The following CYP27C1 variants were observed in gnomAD, a reference collection of about 807,000 sequenced individuals.
The protein encoded by CYP27C1 is cytochrome P450 27C1.
A neutral mutation model predicts 40.6 loss-of-function variants in CYP27C1; 29 were observed. The ratio of observed to expected loss-of-function variants is 0.71; its 90% CI spans 0.53 to 0.97. The LOEUF is 0.97. Ranked by LOEUF, CYP27C1 falls within the 50% of genes least tolerant of loss-of-function variation. The pLI, the probability that CYP27C1 is intolerant of heterozygous loss-of-function variation, is 0.00. For missense variants in CYP27C1, 390 were observed against 485.8 expected (o/e 0.80, Z 1.85); for synonymous variants, 198 against 186.8 (o/e 1.06, Z -0.49).
chr2:127,216,449 T>C (rs965568120), intron 1 of CYP27C1, among the ~76,000 whole-genome samples: 3 of 152,118 alleles, frequency 2.0e-5, no homozygotes, highest in Admixed American at 2.0e-4. Flanking sequence ...AAACCACCCA[T>C]AAAAGACCAC....
rs201954780 is a variant in CYP27C1, at chr2:127,195,535, G to C, written c.1048-34C>G. On this transcript the variant is annotated intron_variant, in intron 5 of 8. Coordinates refer to ENST00000664447, the MANE Select transcript of CYP27C1 (RefSeq NM_001367502.1). This position sits in a 1 kb window ranked among gnomAD's most constrained non-coding sequence, Gnocchi z 6.2. ...AGAAAGTGGCAGACACAGGCAGGCA[G>C]TGAGTAACACCAGGGACTGAAACAG... 626 of 1,610,284 alleles carry C rather than the reference G, an allele frequency of 3.9e-4. No individual in the cohort carries two copies. Among genetic ancestry groups the C allele is most frequent in the Non-Finnish European group, 4.8e-4 (567 of 1,177,716 alleles).
rs1407831364 is a variant in CYP27C1 at position 127,204,476 on chromosome 2, GA to G, written c.474-906del. On this transcript the variant is annotated intron_variant, in intron 2 of 8. Coordinates refer to ENST00000664447, the MANE Select transcript of CYP27C1 (RefSeq NM_001367502.1). Reference sequence around the variant, plus strand: ...AGAAAGAAAGAAAGAAAGAAAGAAAGAAAGAAAGAAAGGAAGGAAGGAAGGA... The same window carrying G: ...AGAAAGAAAGAAAGAAAGAAAGAAAGAAGAAAGAAAGGAAGGAAGGAAGGA... Among the ~76,000 whole-genome samples the G allele has an allele frequency of 4.4e-3, 294 of 66,084 alleles. 35 individuals carry two copies. The East Asian group carries it at 0.054, about 12-fold the overall frequency. 43.4% of individuals were successfully genotyped at this position (66,084 alleles called of 152,430 possible). A position where few individuals can be genotyped will look rare whatever the true frequency, so the allele number is the denominator to read the frequency against.
At chr2:127,204,478 A>G (rs1204745970) in intron 2 of CYP27C1, among the ~76,000 whole-genome samples, 43 of 79,416 alleles carry the variant, frequency 5.4e-4, no homozygotes, top group Admixed American at 1.0e-3. Context: ...GAAAGAAAGA[A>G]AGAAAGAAAG....
Position 127,218,106 on chromosome 2 carries a change from C to G in CYP27C1, c.282+1883G>C, listed in dbSNP as rs1392689238. Among the ~76,000 whole-genome samples the G allele has an allele frequency of 6.6e-6, 1 of 152,164 alleles. No individual in the cohort carries two copies. Among genetic ancestry groups the G allele is most frequent in the Non-Finnish European group, 1.5e-5 (1 of 68,020 alleles). ...AGGGCCCTGGGTGTGGTGAAGGAAGCTGTCTGAGCAGTGGGCAGGAGGGGC... is the reference window on the plus strand; with the variant it reads ...AGGGCCCTGGGTGTGGTGAAGGAAGGTGTCTGAGCAGTGGGCAGGAGGGGC... On this transcript the variant is annotated intron_variant, in intron 1 of 8. Transcript: ENST00000664447. The surrounding 1 kb of genome is among the most constrained non-coding windows in gnomAD (Gnocchi z 6.0).
rs1683015777 is a variant in CYP27C1 at position 127,200,894 on chromosome 2, C to T, written c.883+228G>A. 6.6e-6 allele frequency among the ~76,000 whole-genome samples: 1 copy of T among 151,696 alleles called. No individual in the cohort carries two copies. The highest frequency in any genetic ancestry group is 1.9e-4 in the East Asian group (1 of 5,178). On this transcript the variant is annotated intron_variant, in intron 4 of 8. Transcript: ENST00000664447. This position sits in a 1 kb window ranked among gnomAD's most constrained non-coding sequence, Gnocchi z 4.2. ...ATGATAATCACTTGAACCTAGGAGG[C>T]AGAGGTTGCAGTGAGCTGAGATCAC...
intron 8 of CYP27C1, among the ~76,000 whole-genome samples, chr2:127,189,622 A>C (rs1040558305): frequency 1.5e-4 from 2 of 13,462 alleles, no homozygotes; most frequent in African/African-American, 5.0e-4. Context: ...AAGTAAAATT[A>C]AAAAAAAAAA....
chr2:127,187,868 T>C (rs1682667598), intron 8 of CYP27C1, among the ~76,000 whole-genome samples: 1 of 152,238 alleles, frequency 6.6e-6, no homozygotes, highest in African/African-American at 2.4e-5. Context: ...ATCGTGCTAC[T>C]ATCCTGAATT....
chr2:127,192,855 G>C (rs1682813439), intron 8 of CYP27C1, among the ~76,000 whole-genome samples: 1 of 152,230 alleles, frequency 6.6e-6, no homozygotes, highest in Admixed American at 6.5e-5. Flanking sequence ...CTGTCGCCCA[G>C]GCTGGAGTGC....
intron 1 of CYP27C1, among the ~76,000 whole-genome samples, chr2:127,211,558 T>G (rs1037464625): frequency 1.3e-5 from 2 of 151,886 alleles, no homozygotes; most frequent in Non-Finnish European, 2.9e-5. Context: ...AATTTTTTTT[T>G]GTATTTTTAG....
chr2:127,205,077 T>C (rs1238167350), intron 2 of CYP27C1, among the ~76,000 whole-genome samples: 1 of 151,960 alleles, frequency 6.6e-6, no homozygotes, highest in Non-Finnish European at 1.5e-5. Context: ...CGAAGAGGGG[T>C]CCAGGCACCC....
At position 127,220,176 on chromosome 2, in the gene CYP27C1, G is replaced by C. The variant is rs1339056480; in HGVS notation, c.95C>G (p.Pro32Arg). 1 of 149,494 alleles carries C rather than the reference G, an allele frequency of 6.7e-6. No individual in the cohort carries two copies. The highest frequency in any genetic ancestry group is 1.5e-5 in the Non-Finnish European group (1 of 67,182). The allele number at this position is 149,494 out of a possible 1,614,324, so 9.3% of individuals were successfully genotyped here. ...LGGGAPRRPQ[P>R]AGARLPAGAR... Reference sequence around the variant, plus strand: ...CCCCGCCGGGAGCCGTGCGCCCGCGGGTTGAGGCCGCCGCGGGGCCCCGCC... The same window carrying C: ...CCCCGCCGGGAGCCGTGCGCCCGCGCGTTGAGGCCGCCGCGGGGCCCCGCC... Residue 32 changes from proline (P) to arginine (R), a missense_variant, in exon 1 of 9, where the codon CCC becomes CGC. Coordinates refer to ENST00000664447, the MANE Select transcript of CYP27C1 (RefSeq NM_001367502.1). The surrounding 1 kb of genome is among the most constrained non-coding windows in gnomAD (Gnocchi z 4.6).
At chr2:127,214,646 A>G (rs1166301952) in intron 1 of CYP27C1, among the ~76,000 whole-genome samples, 1 of 152,116 alleles carries the variant, frequency 6.6e-6, no homozygotes, top group African/African-American at 2.4e-5. Context: ...AGATAGGGGA[A>G]TAACATACAC....
Position 127,187,235 on chromosome 2 carries a change from T to C in CYP27C1, c.*36A>G, listed in dbSNP as rs2104669034. The C allele has an allele frequency of 6.5e-7, 1 of 1,544,806 alleles. No individual in the cohort carries two copies. The highest frequency in any genetic ancestry group is 8.9e-7 in the Non-Finnish European group (1 of 1,117,542). On this transcript the variant is annotated 3_prime_UTR_variant, in exon 9 of 9. Coordinates refer to ENST00000664447, the MANE Select transcript of CYP27C1 (RefSeq NM_001367502.1). ...AAATACCCACTGTGTGTCGGCGAGCTGGTCTGCTACATCAGCCCAGGTTTA... is the reference window on the plus strand; with the variant it reads ...AAATACCCACTGTGTGTCGGCGAGCCGGTCTGCTACATCAGCCCAGGTTTA...
chr2:127,193,189 C>T lies in CYP27C1; in HGVS notation c.1402G>A (p.Val468Ile), dbSNP rs1682821573. The T allele has an allele frequency of 1.2e-6, 2 of 1,614,126 alleles. No homozygotes were observed. The highest frequency in any genetic ancestry group is 1.3e-5 in the African/African-American group (1 of 74,940). The change falls in exon 8 of 9, where the codon GTT becomes ATT. Residue 468 changes from valine (V) to isoleucine (I), a missense_variant. Physicochemically the swap from Val to Ile is conservative, Grantham distance 29. Transcript: ENST00000664447. ...AAGGGGATGGATCCAAAATTGTCAA[C>T]TCTATCTAAGTCTCCTTTCCGCAGC... Reference protein sequence around the residue: ...RWLRKGDLDRVDNFGSIPFGH... With the variant: ...RWLRKGDLDRIDNFGSIPFGH...
intron 2 of CYP27C1, among the ~76,000 whole-genome samples, chr2:127,204,545 G>A (rs1240847827): frequency 2.6e-5 from 2 of 76,876 alleles, no homozygotes; most frequent in African/African-American, 1.0e-4. Flanking sequence ...AAGAGAGAGA[G>A]AGAGAGAGAG....
At chr2:127,215,142 A>AACTTAGTACAAAGACTTAGTAC (rs1222083021) in intron 1 of CYP27C1, among the ~76,000 whole-genome samples, 1 of 152,020 alleles carries the variant, frequency 6.6e-6, no homozygotes, top group Non-Finnish European at 1.5e-5. Context: ...AAAAAAAAAA[A>AACTTAGTACAAAGACTTAGTAC]AAAGACTTAG....
In CYP27C1 at chr2:127,197,063, G is replaced by C. The variant is rs373448783; in HGVS notation, c.1048-1562C>G. ...TGGCTTCTATTGTAGGATGCTAAAAGGAACAGCTTCCTTCTGAATGCCACC... is the reference window on the plus strand; with the variant it reads ...TGGCTTCTATTGTAGGATGCTAAAACGAACAGCTTCCTTCTGAATGCCACC... On this transcript the variant is annotated intron_variant, in intron 5 of 8. Transcript: ENST00000664447. Among the ~76,000 whole-genome samples the C allele has an allele frequency of 9.8e-5, 15 of 152,296 alleles. No individual in the cohort carries two copies. The South Asian group carries it at 2.7e-3, about 27-fold the overall frequency.
At chr2:127,215,732 A>T (rs2104702536) in intron 1 of CYP27C1, among the ~76,000 whole-genome samples, 1 of 152,234 alleles carries the variant, frequency 6.6e-6, no homozygotes, top group African/African-American at 2.4e-5. Context: ...AAGCAAAAAC[A>T]ACCTTCGGAT....
intron 8 of CYP27C1, among the ~76,000 whole-genome samples, chr2:127,187,830 G>A (rs568911158): frequency 2.0e-5 from 3 of 152,316 alleles, no homozygotes; most frequent in South Asian, 2.1e-4. Flanking sequence ...AACAGAGGCG[G>A]AGAGAGCTGA....
Sources: gnomAD v4.1 joint callset for allele counts (sites outside exome capture counted in the v4.1 genomes callset) on GRCh38, gnomAD v4.1.1 for gene constraint, Gnocchi (gnomAD v3.1) non-coding constraint, MANE v1.5 for transcripts, NCBI Gene and HGNC (gene_info 2026-07-23, HGNC 2026-07-21) for gene names.